FBXW11: variants seen among roughly 807,000 people sequenced by gnomAD.
The protein encoded by FBXW11 is F-box and WD repeat domain containing 11, also known as F-box/WD repeat-containing protein 11.
A neutral mutation model predicts 77.6 loss-of-function variants in FBXW11; 19 were observed. That is an observed-to-expected ratio of 0.24 (90% confidence interval 0.17 to 0.36). FBXW11 has a LOEUF of 0.36. Ranked by LOEUF, FBXW11 falls within the 10% of genes least tolerant of loss-of-function variation. The pLI is 1.00. For synonymous variants in FBXW11, 235 were observed against 249.4 expected (o/e 0.94, Z 0.54); for missense variants, 334 against 704.2 (o/e 0.47, Z 5.95).
chr5:171,992,520 G>GAGAAAA (rs1282164924), intron 1 of FBXW11, among the ~76,000 whole-genome samples: 2 of 151,364 alleles, frequency 1.3e-5, no homozygotes, highest in African/African-American at 4.9e-5. Flanking sequence ...GAAAGAGAAA[G>GAGAAAA]AGAAAAAGAA....
intron 9 of FBXW11, among the ~76,000 whole-genome samples, chr5:171,874,581 T>TA (rs1757952758): frequency 6.6e-6 from 1 of 151,954 alleles, no homozygotes. Context: ...GGGCTAGGTA[T>TA]AAGAGTGCTA....
intron 1 of FBXW11, chr5:171,996,904 G>T: frequency 7.8e-7 from 1 of 1,285,814 alleles, no homozygotes; most frequent in Non-Finnish European, 1.0e-6. Context: ...AAAATATTTT[G>T]TACTTCAGAT....
chr5:171,925,635 C>T (rs962623197), intron 2 of FBXW11, among the ~76,000 whole-genome samples: 4 of 152,138 alleles, frequency 2.6e-5, no homozygotes, highest in Non-Finnish European at 4.4e-5. Flanking sequence ...TGCATGCCAC[C>T]GTGCCTGGCT....
chr5:171,955,202 C>T (rs746488188), intron 2 of FBXW11, among the ~76,000 whole-genome samples: 2 of 152,184 alleles, frequency 1.3e-5, no homozygotes, highest in African/African-American at 2.4e-5. Context: ...TATCTTCCCT[C>T]CGGCTTTTTC....
chr5:171,893,159 G>C (rs191301807), intron 6 of FBXW11, among the ~76,000 whole-genome samples: 3 of 151,894 alleles, frequency 2.0e-5, no homozygotes, highest in Non-Finnish European at 4.4e-5. Context: ...CTTAAAAAGC[G>C]ATTATTTCCA....
intron 2 of FBXW11, among the ~76,000 whole-genome samples, chr5:171,928,816 T>C (rs1293893957): frequency 6.6e-6 from 1 of 152,220 alleles, no homozygotes; most frequent in Non-Finnish European, 1.5e-5. Flanking sequence ...CTCACACCTG[T>C]AATCCCAGCA....
intron 13 of FBXW11, among the ~76,000 whole-genome samples, chr5:171,866,335 A>C (rs938618662): frequency 1.3e-5 from 2 of 152,228 alleles, no homozygotes; most frequent in African/African-American, 4.8e-5. Context: ...GGTTGTTAAA[A>C]GTAATAAAAT....
rs554090463 is a variant in FBXW11 at position 171,995,020 on chromosome 5, T to A, written c.45+11438A>T. Among the ~76,000 whole-genome samples, 8 of 152,238 alleles carry A rather than the reference T, an allele frequency of 5.3e-5. No homozygotes were observed. The East Asian group carries it at 1.5e-3, about 29-fold the overall frequency. ...ACCAGAGGAGAAATATTAGCAAATG[T>A]GAAAGTATTAAATTAAAACAAGGAT... On this transcript the variant is annotated intron_variant, in intron 1 of 13. Transcript: ENST00000517395.
chr5:171,874,269 T>A (rs1234119012), intron 9 of FBXW11, among the ~76,000 whole-genome samples: 1 of 152,212 alleles, frequency 6.6e-6, no homozygotes, highest in African/African-American at 2.4e-5. Flanking sequence ...ACAAGTTGTT[T>A]AGCATCATCA....
intron 4 of FBXW11, among the ~76,000 whole-genome samples, chr5:171,905,598 CCTTT>C (rs1561669485): frequency 9.8e-6 from 1 of 102,200 alleles, no homozygotes; most frequent in East Asian, 4.1e-4. Flanking sequence ...AACCCCCCCC[CCTTT>C]ATTTTCTTGG....
chr5:171,990,956 G>T (rs6874942), intron 1 of FBXW11, among the ~76,000 whole-genome samples: 7,229 of 152,158 alleles, frequency 0.048, 529 homozygotes, highest in African/African-American at 0.16. Flanking sequence ...CTCCCAAGTA[G>T]CTGGGATTAC....
chr5:171,942,180 C>G lies in FBXW11; in HGVS notation c.147+15417G>C, dbSNP rs113742155. On this transcript the variant is annotated intron_variant, in intron 2 of 13. Transcript: ENST00000517395. Reference sequence around the variant, plus strand: ...ATTTCCTACAAAGGAGGATGTTCTACATAGTCATAATACGAGAATCAAATC... The same window carrying G: ...ATTTCCTACAAAGGAGGATGTTCTAGATAGTCATAATACGAGAATCAAATC... Among the ~76,000 whole-genome samples, 736 of 151,330 alleles carry G rather than the reference C, an allele frequency of 4.9e-3. 3 individuals are homozygous for G. The highest frequency in any genetic ancestry group is 0.017 in the African/African-American group (699 of 41,060).
In FBXW11 at chr5:171,931,532, T is replaced by C. The variant is rs187116576; in HGVS notation, c.148-17127A>G. Among the ~76,000 whole-genome samples, 4 of 151,826 alleles carry C rather than the reference T, an allele frequency of 2.6e-5. No individual in the cohort carries two copies. In the East Asian group the frequency reaches 7.7e-4, roughly 29 times the overall value. ...TTCACAAAAATTAACTGAATACAGA[T>C]TACAAGCCTAAATGGAAAATGGAAA... On this transcript the variant is annotated intron_variant, in intron 2 of 13. Transcript: ENST00000517395.
At chr5:171,997,099 G>A in intron 1 of FBXW11, 1 of 1,277,032 alleles carries the variant, frequency 7.8e-7, no homozygotes, top group Non-Finnish European at 1.0e-6. Context: ...GGCACCAGCG[G>A]CAAAGGACAG....
intron 1 of FBXW11, among the ~76,000 whole-genome samples, chr5:171,997,457 G>A (rs539014828): frequency 5.9e-5 from 9 of 152,306 alleles, no homozygotes; most frequent in South Asian, 4.1e-4. Context: ...AGAATGATAC[G>A]AGAGGGCTCA....
At chr5:171,894,724 T>A (rs1039203760) in intron 6 of FBXW11, among the ~76,000 whole-genome samples, 1 of 151,046 alleles carries the variant, frequency 6.6e-6, no homozygotes, top group African/African-American at 2.4e-5. Context: ...AAACCAGACC[T>A]TTAAAACTGG....
At chr5:171,941,848 G>T (rs1262363007) in intron 2 of FBXW11, among the ~76,000 whole-genome samples, 1 of 151,078 alleles carries the variant, frequency 6.6e-6, no homozygotes, top group Non-Finnish European at 1.5e-5. Flanking sequence ...AAAGACGCAT[G>T]AACCTGTAGT....
chr5:171,934,979 G>C (rs994569183), intron 2 of FBXW11, among the ~76,000 whole-genome samples: 5 of 151,778 alleles, frequency 3.3e-5, no homozygotes, highest in African/African-American at 1.2e-4. Context: ...TTGTTTTTGA[G>C]ACGGAGTCTC....
intron 2 of FBXW11, among the ~76,000 whole-genome samples, chr5:171,929,738 G>C (rs1433313200): frequency 6.6e-6 from 1 of 152,060 alleles, no homozygotes; most frequent in Non-Finnish European, 1.5e-5. Flanking sequence ...TGTAGTCCCA[G>C]CTACTCGGGA....
Sources: allele counts gnomAD v4.1 joint callset (sites outside exome capture counted in the v4.1 genomes callset), GRCh38; gene constraint gnomAD v4.1.1; transcripts MANE v1.5; gene names NCBI Gene and HGNC (gene_info 2026-07-23, HGNC 2026-07-21).